The following NPHP4 variants were observed in gnomAD, a reference collection of about 807,000 sequenced individuals.
The protein encoded by NPHP4 is nephrocystin 4, also known as nephrocystin-4.
In NPHP4, 151 loss-of-function variants were observed where a neutral mutation model predicts 155.8. The observed-to-expected ratio is 0.97, with a 90% CI of 0.85 to 1.11. The LOEUF (loss-of-function observed/expected upper bound fraction) is 1.11, where lower values mean the gene tolerates loss of function less well. Among genes scored for constraint, NPHP4 ranks in the 50% least tolerant of loss-of-function variants. NPHP4 has a pLI of 0.00. For synonymous variants in NPHP4, 845 were observed against 816.8 expected, an observed-to-expected ratio of 1.03 and a Z score of -0.59; for missense variants, 1,956 against 1,925.7, an observed-to-expected ratio of 1.02 and a Z score of -0.29.
intron 1 of NPHP4, among the ~76,000 whole-genome samples, chr1:5,989,294 C>T (rs1655910438): frequency 6.6e-6 from 1 of 152,198 alleles, no homozygotes; most frequent in African/African-American, 2.4e-5. Context: ...GCAACCAAGT[C>T]TGTGGGACTT....
Position 5,880,031 on chromosome 1 carries a change from GCACACACA to G in NPHP4, c.2611+75_2611+82del, listed in dbSNP as rs140612295. The G allele has an allele frequency of 9.8e-6, 13 of 1,329,388 alleles. No individual in the cohort carries two copies. The East Asian group carries it at 3.4e-4, about 35-fold the overall frequency. The allele number at this position is 1,329,388 out of a possible 1,614,324, so 82.3% of individuals were successfully genotyped here. A position where few individuals can be genotyped will look rare whatever the true frequency, so the allele number is the denominator to read the frequency against. ...CACACACACACATGCACACACGCAT[GCACACACA>G]CACACACGCAGTCTTCCACCTCTCA... is the stretch of plus-strand genomic sequence containing the variant. On this transcript the variant is annotated intron_variant, in intron 19 of 29. Transcript: ENST00000378156.
intron 9 of NPHP4, 109 bp downstream of exon 9, chr1:5,946,995 T>C: frequency 8.8e-7 from 1 of 1,139,730 alleles, no homozygotes; most frequent in Non-Finnish European, 1.3e-6. Context: ...TTATTATTTA[T>C]AATAATCATG....
Position 5,867,792 on chromosome 1 carries a change from C to T in NPHP4, c.3420G>A (p.Glu1140=). The change falls in exon 24 of 30, where the codon GAG becomes GAA. Residue 1140 remains glutamate, a synonymous_variant. Coordinates refer to ENST00000378156, the MANE Select transcript of NPHP4 (RefSeq NM_015102.5). This position sits in a 1 kb window ranked among gnomAD's most constrained non-coding sequence, Gnocchi z 4.1. ...GGATGGCCTTCTTCAGGAAGGAGAG[C>T]TCCGGGTGATAGAAGCGGAAGACCT... The part of the protein sequence containing the change: ...VDQVFRFYHP[E]LSFLKKAIRL... 6.2e-7 allele frequency: 1 copy of T among 1,612,722 alleles called. No individual in the cohort carries two copies. The highest frequency in any genetic ancestry group is 8.5e-7 in the Non-Finnish European group (1 of 1,179,874).
At chr1:5,918,072 T>C (rs867458369) in intron 11 of NPHP4, among the ~76,000 whole-genome samples, 1 of 152,184 alleles carries the variant, frequency 6.6e-6, no homozygotes, top group African/African-American at 2.4e-5. Context: ...TTTGTTACCA[T>C]AGCAAATTCG....
chr1:5,921,555 T>C (rs916666849), intron 11 of NPHP4, among the ~76,000 whole-genome samples: 1 of 152,246 alleles, frequency 6.6e-6, no homozygotes, highest in African/African-American at 2.4e-5. Context: ...TTATTTTCAT[T>C]TCTCTGATTA....
intron 12 of NPHP4, 120 bp from the exon 13 acceptor site, chr1:5,907,342 A>C (rs1381922091): frequency 1.8e-6 from 1 of 561,478 alleles, no homozygotes; most frequent in African/African-American, 1.9e-5. Flanking sequence ...CACGGAAGGG[A>C]GTGATGCCTG....
chr1:5,950,311 C>T (rs148408950), intron 7 of NPHP4, among the ~76,000 whole-genome samples: 49 of 152,280 alleles, frequency 3.2e-4, no homozygotes, highest in Admixed American at 5.9e-4. Flanking sequence ...CACCAGCCTT[C>T]AGGACCTGGC....
At chr1:5,868,009 C>G (rs1285313785) in intron 23 of NPHP4, 113 bp from the exon 24 acceptor site, 1 of 1,169,404 alleles carries the variant, frequency 8.6e-7, no homozygotes, top group Non-Finnish European at 1.3e-6. Flanking sequence ...CCTCACCCTC[C>G]ACTGCCATGA....
intron 29 of NPHP4, 193 bp from the exon 30 acceptor site, chr1:5,863,598 C>A (rs777599405): frequency 1.0e-5 from 7 of 666,744 alleles, no homozygotes; most frequent in African/African-American, 1.8e-5. Context: ...GCCAGTGTGA[C>A]GCGTTACTTG....
rs550619170 is a variant in NPHP4 at position 5,905,521 on chromosome 1, AG to A, written c.1764-39del. On this transcript the variant is annotated intron_variant, in intron 14 of 29. Coordinates refer to ENST00000378156, the MANE Select transcript of NPHP4 (RefSeq NM_015102.5). The surrounding 1 kb of genome is among the most constrained non-coding windows in gnomAD (Gnocchi z 4.0). ...GACTCCTCAGGTAGCCTCCCGGGAA[AG>A]GGGGGACCCATTGATGCACCTCCCT... 3.8e-6 allele frequency: 6 copies of A among 1,597,136 alleles called. No homozygotes were observed. The South Asian group carries it at 4.4e-5, about 12-fold the overall frequency.
chr1:5,871,297 G>A (rs145869252), intron 23 of NPHP4, among the ~76,000 whole-genome samples: 78 of 152,278 alleles, frequency 5.1e-4, no homozygotes, highest in Middle Eastern at 3.4e-3. Context: ...GATGGCGGTG[G>A]CCTGAGAGAG....
At chr1:5,922,864 T>C (rs969168433) in intron 11 of NPHP4, among the ~76,000 whole-genome samples, 3 of 152,042 alleles carry the variant, frequency 2.0e-5, no homozygotes, top group Admixed American at 6.5e-5. Context: ...CCGGGCACGG[T>C]GGCACTCCCT....
intron 16 of NPHP4, among the ~76,000 whole-genome samples, chr1:5,897,191 T>C (rs1644436145): frequency 6.6e-6 from 1 of 152,056 alleles, no homozygotes; most frequent in African/African-American, 2.4e-5. Flanking sequence ...ATTAGACAAA[T>C]TACCATTTCA....
chr1:5,935,296 C>CA (rs1219331507), intron 9 of NPHP4, among the ~76,000 whole-genome samples: 2 of 152,194 alleles, frequency 1.3e-5, no homozygotes, highest in Non-Finnish European at 2.9e-5. Flanking sequence ...AATTCCAGAT[C>CA]ATGGGCCAGG....
chr1:5,874,806 A>T, intron 21 of NPHP4, 68 bp downstream of exon 21: 1 of 1,556,714 alleles, frequency 6.4e-7, no homozygotes, highest in South Asian at 1.1e-5. Context: ...GAGCCAGCTC[A>T]GCAGGGGTGC....
At position 5,947,188 on chromosome 1, in the gene NPHP4, G is replaced by C; in HGVS notation, c.1035C>G (p.Leu345=). 1 of 1,613,918 alleles carries C rather than the reference G, an allele frequency of 6.2e-7. No homozygotes were observed. The highest frequency in any genetic ancestry group is 8.5e-7 in the Non-Finnish European group (1 of 1,179,848). ...QALVLRSRLR[L]PEMVGHPAFA... is the part of the protein sequence containing the mutation. ...ATGCAGGGTGGCCGACCATCTCTGG[G>C]AGGCGGAGGCGGCTTCTCAAAACCA... The change falls in exon 9 of 30, where the codon CTC becomes CTG. Residue 345 remains leucine, a synonymous_variant. Coordinates refer to ENST00000378156, the MANE Select transcript of NPHP4 (RefSeq NM_015102.5).
Position 5,948,180 on chromosome 1 carries a change from A to T in NPHP4, c.882T>A (p.Gly294=). The T allele has an allele frequency of 1.2e-6, 2 of 1,612,228 alleles. No individual in the cohort carries two copies. The highest frequency in any genetic ancestry group is 1.7e-6 in the Non-Finnish European group (2 of 1,179,460). Residue 294 remains glycine, a synonymous_variant, in exon 8 of 30, where the codon GGT becomes GGA. Coordinates refer to ENST00000378156, the MANE Select transcript of NPHP4 (RefSeq NM_015102.5). ...ERRLRVGVHN[G]LGFVQRPQVV... ...CCTGCGGCCTCTGCACGAAGCCCAG[A>T]CCATTGTGCACGCCCACACGCAGGC... is the stretch of plus-strand genomic sequence containing the variant.
intron 11 of NPHP4, among the ~76,000 whole-genome samples, chr1:5,923,408 GCTTA>G (rs1456799886): frequency 6.6e-6 from 1 of 152,222 alleles, no homozygotes; most frequent in Non-Finnish European, 1.5e-5. Context: ...CCTGACCCCA[GCTTA>G]CTGTGTTCAG....
chr1:5,924,925 G>T (rs766708760), intron 11 of NPHP4, among the ~76,000 whole-genome samples: 1 of 152,194 alleles, frequency 6.6e-6, no homozygotes, highest in Non-Finnish European at 1.5e-5. Flanking sequence ...TAAAGTGCTA[G>T]GATTACATGC....
Sources: allele counts gnomAD v4.1 joint callset (sites outside exome capture counted in the v4.1 genomes callset), GRCh38; gene constraint gnomAD v4.1.1; non-coding constraint Gnocchi (gnomAD v3.1); transcripts MANE v1.5; gene names NCBI Gene and HGNC (gene_info 2026-07-23, HGNC 2026-07-21).